Variants in TSNARE1 observed in about 807,000 individuals in gnomAD.
TSNARE1 encodes the protein t-SNARE domain containing 1.
Under a neutral mutation model 62.0 loss-of-function variants are expected in TSNARE1, and 49 were observed. That is an observed-to-expected ratio of 0.79 (90% CI 0.63 to 1.00). TSNARE1 has a LOEUF of 1.00. Among genes scored for constraint, TSNARE1 ranks in the 50% least tolerant of loss-of-function variants. The pLI, the probability that TSNARE1 is intolerant of heterozygous loss-of-function variation, is 0.00. For missense variants in TSNARE1, 755 were observed against 700.1 expected (o/e 1.08, Z -0.88); for synonymous variants, 328 against 294.4 (o/e 1.11, Z -1.17).
chr8:142,304,139 A>T (rs1826249054), intron 9 of TSNARE1, among the ~76,000 whole-genome samples: 1 of 152,248 alleles, frequency 6.6e-6, no homozygotes. Context: ...AAAAGATCTA[A>T]AAAATCTGTT....
At chr8:142,314,247 C>T (rs1828141233) in intron 9 of TSNARE1, 137 bp downstream of exon 9, 1 of 738,590 alleles carries the variant, frequency 1.4e-6, no homozygotes, top group Non-Finnish European at 2.2e-6. Context: ...CCCACGTTTT[C>T]AAGGCTGTGC....
At chr8:142,274,632 G>A (rs1820133384) in intron 12 of TSNARE1, 149 bp downstream of exon 12, 1 of 1,338,390 alleles carries the variant, frequency 7.5e-7, no homozygotes, top group Non-Finnish European at 9.6e-7. Context: ...TAGGGCACGG[G>A]CAGCAGACTG....
At chr8:142,300,371 A>T (rs548315222) in intron 10 of TSNARE1, 115 bp downstream of exon 10, 3 of 1,258,942 alleles carry the variant, frequency 2.4e-6, no homozygotes, top group South Asian at 3.1e-5. Context: ...GCCTAGTTCC[A>T]GCCCCTCCAG....
In TSNARE1 at chr8:142,280,940, T is replaced by C. The variant is rs549755619; in HGVS notation, c.1363+3473A>G. 6.3e-4 allele frequency among the ~76,000 whole-genome samples: 96 copies of C among 152,170 alleles called. 1 individual carries two copies. Among genetic ancestry groups the C allele is most frequent in the Non-Finnish European group, 1.2e-3 (79 of 67,968 alleles). On this transcript the variant is annotated intron_variant, in intron 11 of 13. Coordinates refer to ENST00000524325, the MANE Select transcript of TSNARE1 (RefSeq NM_145003.5). ...CTTGAAGCCCAGGCTCCGAGGGGATTGAGGGGCCGGCCTGGCCCAGCCCCG... is the reference window on the plus strand; with the variant it reads ...CTTGAAGCCCAGGCTCCGAGGGGATCGAGGGGCCGGCCTGGCCCAGCCCCG...
intron 1 of TSNARE1, among the ~76,000 whole-genome samples, chr8:142,371,933 G>A (rs1029254187): frequency 6.6e-6 from 1 of 152,186 alleles, no homozygotes; most frequent in South Asian, 2.1e-4. Flanking sequence ...GCAGAGCTGG[G>A]TAGCTGCAAC....
intron 1 of TSNARE1, among the ~76,000 whole-genome samples, chr8:142,368,680 C>T (rs1835727735): frequency 6.6e-6 from 1 of 152,194 alleles, no homozygotes; most frequent in African/African-American, 2.4e-5. Context: ...GAAAGCCTAG[C>T]ACAGGACAAG....
Position 142,331,783 on chromosome 8 carries a change from G to A in TSNARE1, c.794C>T (p.Ser265Leu), listed in dbSNP as rs377307590. The A allele has an allele frequency of 2.6e-5, 42 of 1,606,172 alleles. No individual in the cohort carries two copies. The highest frequency in any genetic ancestry group is 5.1e-5 in the Admixed American group (3 of 59,146). The change falls in exon 5 of 14, where the codon TCG becomes TTG. Residue 265 changes from serine (S) to leucine (L), a missense_variant. Physicochemically the swap from Ser to Leu is moderately radical, Grantham distance 145 (BLOSUM62 -2). Coordinates refer to ENST00000524325, the MANE Select transcript of TSNARE1 (RefSeq NM_145003.5). ...CNLQELFQEM[S>L]ANVFRINSSV... The stretch of plus-strand genomic sequence containing the variant: ...GGAGTTGATTCGGAAGACGTTGGCC[G>A]ACATCTCCTGGAACAGCTCCTGGAG...
intron 6 of TSNARE1, among the ~76,000 whole-genome samples, chr8:142,330,358 C>T (rs1255299747): frequency 6.6e-6 from 1 of 152,220 alleles, no homozygotes; most frequent in African/African-American, 2.4e-5. Flanking sequence ...CCATCCCAGA[C>T]CAGCCCAACC....
chr8:142,363,162 T>G (rs1835287686), intron 1 of TSNARE1, among the ~76,000 whole-genome samples: 1 of 152,138 alleles, frequency 6.6e-6, no homozygotes, highest in African/African-American at 2.4e-5. Context: ...TGCACTGGTA[T>G]CTACTGGGGA....
chr8:142,334,844 T>G (rs767233657), intron 4 of TSNARE1, among the ~76,000 whole-genome samples: 12 of 152,122 alleles, frequency 7.9e-5, no homozygotes, highest in Non-Finnish European at 1.6e-4. Context: ...CTACACCCAC[T>G]GGAAACAGAT....
chr8:142,277,223 C>A (rs1820647023), intron 11 of TSNARE1: 1 of 985,368 alleles, frequency 1.0e-6, no homozygotes, highest in African/African-American at 1.7e-5. Flanking sequence ...CTTGCACATC[C>A]CCTGACTCCA....
chr8:142,349,730 G>A (rs571003425), intron 2 of TSNARE1, among the ~76,000 whole-genome samples: 36 of 152,332 alleles, frequency 2.4e-4, no homozygotes, highest in African/African-American at 7.0e-4. Context: ...GGCCCTCAGC[G>A]GCCCTGCCCG....
chr8:142,318,441 G>T, intron 7 of TSNARE1, 103 bp downstream of exon 7: 1 of 1,174,624 alleles, frequency 8.5e-7, no homozygotes, highest in Non-Finnish European at 1.2e-6. Context: ...ATCCACACAC[G>T]TCAGCCTCCC....
chr8:142,288,631 C>G (rs1332282735), intron 10 of TSNARE1, among the ~76,000 whole-genome samples: 3 of 152,260 alleles, frequency 2.0e-5, no homozygotes, highest in African/African-American at 7.2e-5. Context: ...GCTATCCACG[C>G]CAACCTCACC....
chr8:142,314,473 G>A (rs1256268141), intron 8 of TSNARE1, 33 bp from the exon 9 acceptor site: 1 of 1,603,032 alleles, frequency 6.2e-7, no homozygotes, highest in Non-Finnish European at 8.5e-7. Context: ...AGAAAGACAG[G>A]AAGAGCAAAA....
chr8:142,326,125 GACC>G (rs1190934069), intron 6 of TSNARE1: 4 of 178,776 alleles, frequency 2.2e-5, no homozygotes, highest in African/African-American at 1.0e-4. Context: ...GGGCCCCGGA[GACC>G]ACGAGACAGA....
chr8:142,282,661 C>CAGAGG, intron 11 of TSNARE1, among the ~76,000 whole-genome samples: 1 of 147,554 alleles, frequency 6.8e-6, no homozygotes, highest in African/African-American at 2.6e-5. Flanking sequence ...TGTCAATGAG[C>CAGAGG]GGAGGTGGGG....
Position 142,272,913 on chromosome 8 carries a change from G to A in TSNARE1, c.1446+1868C>T, listed in dbSNP as rs563408326. ...GGGAAGGCCCCTCGCAGGCAGGTGG[G>A]AGCAGGACATTCTATGCAGAGGCAA... On this transcript the variant is annotated intron_variant, in intron 12 of 13. Coordinates refer to ENST00000524325, the MANE Select transcript of TSNARE1 (RefSeq NM_145003.5). The A allele has an allele frequency of 1.5e-4, 152 of 985,274 alleles. No individual in the cohort carries two copies. The Admixed American group carries it at 2.2e-3, about 14-fold the overall frequency. 61.0% of individuals were successfully genotyped at this position (985,274 alleles called of 1,614,324 possible).
At chr8:142,350,095 GGCA>G (rs1833904557) in intron 2 of TSNARE1, among the ~76,000 whole-genome samples, 2 of 125,754 alleles carry the variant, frequency 1.6e-5, no homozygotes, top group Non-Finnish European at 3.4e-5. Flanking sequence ...AGGCAGGGCA[GGCA>G]GGGCAGGCAG....
Sources: gnomAD v4.1 joint callset for allele counts (sites outside exome capture counted in the v4.1 genomes callset) on GRCh38, gnomAD v4.1.1 for gene constraint, MANE v1.5 for transcripts, NCBI Gene and HGNC (gene_info 2026-07-23, HGNC 2026-07-21) for gene names.